Variants in LRRFIP1 observed in about 807,000 individuals in gnomAD.
LRRFIP1 encodes the protein leucine-rich repeat flightless-interacting protein 1.
LRRFIP1 carries 62 observed loss-of-function variants against 104.4 expected under a neutral mutation model. The ratio of observed to expected loss-of-function variants is 0.59; its 90% CI spans 0.48 to 0.73. The LOEUF (loss-of-function observed/expected upper bound fraction) is 0.73. Among genes scored for constraint, LRRFIP1 ranks in the 30% least tolerant of loss-of-function variants. The pLI, the probability that LRRFIP1 is intolerant of heterozygous loss-of-function variation, is 0.00. For synonymous variants in LRRFIP1, 300 were observed against 299.0 expected, an observed-to-expected ratio of 1.00 and a Z score of -0.03; for missense variants, 796 against 824.5, an observed-to-expected ratio of 0.97 and a Z score of 0.42.
chr2:237,696,112 T>G (rs530019512), intron 1 of LRRFIP1, among the ~76,000 whole-genome samples: 2 of 152,360 alleles, frequency 1.3e-5, no homozygotes, highest in African/African-American at 4.8e-5. Context: ...GTAAGTAGTT[T>G]TCCCTTGAAT....
intron 8 of LRRFIP1, among the ~76,000 whole-genome samples, chr2:237,732,250 T>G (rs2095044736): frequency 1.3e-5 from 2 of 152,160 alleles, no homozygotes; most frequent in African/African-American, 4.8e-5. Flanking sequence ...GTCTCTGAAC[T>G]CACTGGACTG....
intron 1 of LRRFIP1, among the ~76,000 whole-genome samples, chr2:237,693,120 G>A (rs1206170589): frequency 6.6e-6 from 1 of 152,258 alleles, no homozygotes; most frequent in South Asian, 2.1e-4. Context: ...CTGTAGTTTG[G>A]CATTAAAATT....
rs192926351 is a variant in LRRFIP1 at position 237,710,089 on chromosome 2, G to A, written c.183+1459G>A. Among the ~76,000 whole-genome samples, 1,041 of 152,100 alleles carry A rather than the reference G, an allele frequency of 6.8e-3. 12 individuals carry two copies. The highest frequency in any genetic ancestry group is 0.023 in the African/African-American group (953 of 41,484). ...ACTGGTCTGAAACTCCTGATCTCAA[G>A]TGATCCTCCCGCCTTGACCTCCTGG... On this transcript the variant is annotated intron_variant, in intron 2 of 23. Transcript: ENST00000308482.
intron 1 of LRRFIP1, among the ~76,000 whole-genome samples, chr2:237,706,458 T>C (rs1337233060): frequency 6.6e-6 from 1 of 152,196 alleles, no homozygotes; most frequent in Non-Finnish European, 1.5e-5. Flanking sequence ...GTACCTGCTC[T>C]GTACTGGCTT....
At chr2:237,751,336 ATCCT>A in intron 14 of LRRFIP1, 65 bp downstream of exon 14, 4 of 1,267,068 alleles carry the variant, frequency 3.2e-6, no homozygotes, top group Non-Finnish European at 4.4e-6. Context: ...AAAAAACAAC[ATCCT>A]AAAGAAGAAA....
intron 19 of LRRFIP1, chr2:237,765,279 AC>A (rs1247299483): frequency 2.4e-3 from 236 of 100,262 alleles, no homozygotes; most frequent in Middle Eastern, 9.1e-3. Context: ...AAAAAAAAAA[AC>A]ACACACACAC....
chr2:237,699,162 G>A (rs982956468), intron 1 of LRRFIP1, among the ~76,000 whole-genome samples: 1 of 152,102 alleles, frequency 6.6e-6, no homozygotes, highest in African/African-American at 2.4e-5. Context: ...ATTCTACAAA[G>A]TTGACTAACT....
chr2:237,762,915 C>A, intron 19 of LRRFIP1: 1 of 1,614,158 alleles, frequency 6.2e-7, no homozygotes, highest in Non-Finnish European at 8.5e-7. Context: ...GATGACAGGA[C>A]CAGAACTCCC....
chr2:237,687,051 T>C (rs2092421619), intron 1 of LRRFIP1, among the ~76,000 whole-genome samples: 1 of 152,226 alleles, frequency 6.6e-6, no homozygotes, highest in Non-Finnish European at 1.5e-5. Context: ...GGCCCCTGGA[T>C]GGCTGGGAGG....
At chr2:237,769,778 G>A in intron 19 of LRRFIP1, 165 bp from the exon 20 acceptor site, 1 of 618,030 alleles carries the variant, frequency 1.6e-6, no homozygotes, top group Non-Finnish European at 3.0e-6. Context: ...TTTGGCTGTG[G>A]CCTCATTCAC....
intron 3 of LRRFIP1, among the ~76,000 whole-genome samples, chr2:237,714,829 A>G (rs987761591): frequency 6.6e-6 from 1 of 152,228 alleles, no homozygotes; most frequent in Non-Finnish European, 1.5e-5. Flanking sequence ...AAGTAAATAC[A>G]CTGGGCAGGC....
rs2060071963 is a variant in LRRFIP1, at chr2:237,763,531, G to A, written c.1459+3326G>A. On this transcript the variant is annotated intron_variant, in intron 19 of 23. Transcript: ENST00000308482. Reference sequence around the variant, plus strand: ...AGAACACAGATTTAAGTGAAATTAAGGAAGAAGAGCAGGTAAAGTCTACTG... The same window carrying A: ...AGAACACAGATTTAAGTGAAATTAAAGAAGAAGAGCAGGTAAAGTCTACTG... 5.0e-6 allele frequency: 8 copies of A among 1,613,386 alleles called. No individual in the cohort carries two copies. In the African/African-American group the frequency reaches 9.3e-5, roughly 19 times the overall value.
intron 23 of LRRFIP1, among the ~76,000 whole-genome samples, chr2:237,777,594 C>T (rs140463396): frequency 6.6e-6 from 1 of 150,704 alleles, no homozygotes; most frequent in African/African-American, 2.4e-5. Context: ...TTGTAGGGAC[C>T]TTTTTTTTTC....
intron 11 of LRRFIP1, among the ~76,000 whole-genome samples, chr2:237,744,812 C>T (rs1032387362): frequency 1.3e-5 from 2 of 152,254 alleles, no homozygotes; most frequent in Admixed American, 1.3e-4. Context: ...GCAATGTGTT[C>T]GGCGCTGTCG....
At chr2:237,675,010 T>C (rs2090930324) in intron 1 of LRRFIP1, among the ~76,000 whole-genome samples, 1 of 152,234 alleles carries the variant, frequency 6.6e-6, no homozygotes, top group Non-Finnish European at 1.5e-5. Flanking sequence ...CGCTGCTTCC[T>C]GCCTGCTTCC....
At chr2:237,728,984 G>A (rs1178035827) in intron 8 of LRRFIP1, among the ~76,000 whole-genome samples, 2 of 152,214 alleles carry the variant, frequency 1.3e-5, no homozygotes, top group African/African-American at 2.4e-5. Context: ...GTGCAGTGGT[G>A]CTATCTCAGC....
intron 7 of LRRFIP1, among the ~76,000 whole-genome samples, chr2:237,725,615 G>T (rs970353095): frequency 6.6e-5 from 10 of 152,156 alleles, no homozygotes; most frequent in Non-Finnish European, 1.5e-4. Flanking sequence ...TATAGATTTG[G>T]GAATACATTC....
chr2:237,751,332 C>A (rs1166073900), intron 14 of LRRFIP1, 61 bp downstream of exon 14: 28 of 1,198,664 alleles, frequency 2.3e-5, no homozygotes, highest in Non-Finnish European at 3.1e-5. Flanking sequence ...AAAAAAAAAA[C>A]AACATCCTAA....
At chr2:237,729,602 T>C (rs1200314378) in intron 8 of LRRFIP1, among the ~76,000 whole-genome samples, 1 of 152,186 alleles carries the variant, frequency 6.6e-6, no homozygotes, top group Non-Finnish European at 1.5e-5. Context: ...TCTCCAGTTG[T>C]TAAGAATCTC....
Sources: allele counts gnomAD v4.1 joint callset (sites outside exome capture counted in the v4.1 genomes callset), GRCh38; gene constraint gnomAD v4.1.1; transcripts MANE v1.5; gene names NCBI Gene and HGNC (gene_info 2026-07-23, HGNC 2026-07-21).